The following PRDM16 variants were observed in gnomAD, a reference collection of about 807,000 sequenced individuals.
PRDM16 encodes PR/SET domain 16, also known as histone-lysine N-methyltransferase PRDM16.
In PRDM16, 23 loss-of-function variants were observed where a neutral mutation model predicts 110.6. The observed-to-expected ratio is 0.21, with a 90% CI of 0.15 to 0.29. PRDM16 has a LOEUF of 0.29. Ranked by LOEUF, PRDM16 falls within the 10% of genes least tolerant of loss-of-function variation. PRDM16 has a pLI of 1.00. For missense variants in PRDM16, 1,615 were observed against 1,794.3 expected (o/e 0.90, Z 1.81); for synonymous variants, 799 against 781.8 (o/e 1.02, Z -0.37).
rs1220138751 is a variant in PRDM16, at chr1:3,240,056, A to AGAGGAGAGGAGAGGAGAGGAGAGG, written c.388-4031_388-4030insGAGGAGAGGAGAGGAGAGGAGAGG. 1.7e-4 allele frequency among the ~76,000 whole-genome samples: 18 copies of AGAGGAGAGGAGAGGAGAGGAGAGG among 103,408 alleles called. 1 individual carries two copies. The highest frequency in any genetic ancestry group is 7.0e-4 in the African/African-American group (17 of 24,428). 67.8% of individuals were successfully genotyped at this position (103,408 alleles called of 152,430 possible). On this transcript the variant is annotated intron_variant, in intron 2 of 16. Coordinates refer to ENST00000270722, the MANE Select transcript of PRDM16 (RefSeq NM_022114.4). ...AGAGGAGAAGAGGAGAGGAGAGGAG[A>AGAGGAGAGGAGAGGAGAGGAGAGG]AGAGGAGAGGAGAGGAGAGGAGAGG...
intron 1 of PRDM16, among the ~76,000 whole-genome samples, chr1:3,070,854 C>A (rs928806052): frequency 1.3e-5 from 2 of 152,238 alleles, no homozygotes; most frequent in African/African-American, 4.8e-5. Context: ...ATCGGCCGTT[C>A]CCGGCCCCTG....
intron 3 of PRDM16, among the ~76,000 whole-genome samples, chr1:3,368,135 C>A (rs1193326803): frequency 2.0e-5 from 3 of 152,170 alleles, no homozygotes; most frequent in Non-Finnish European, 4.4e-5. Flanking sequence ...GTGAGGGCAA[C>A]CTACCGAAAT....
intron 1 of PRDM16, among the ~76,000 whole-genome samples, chr1:3,173,942 C>T (rs535598270): frequency 1.8e-4 from 27 of 152,304 alleles, no homozygotes; most frequent in South Asian, 6.2e-4. Context: ...TGTTCTCGGC[C>T]GGGCCCGTGC....
intron 4 of PRDM16, among the ~76,000 whole-genome samples, chr1:3,387,222 G>A (rs572994109): frequency 6.6e-6 from 1 of 152,132 alleles, no homozygotes; most frequent in African/African-American, 2.4e-5. Context: ...CCAAAGCTCC[G>A]TCCTAGAGTC....
chr1:3,238,788 C>T (rs1450640028), intron 2 of PRDM16, among the ~76,000 whole-genome samples: 2 of 152,216 alleles, frequency 1.3e-5, no homozygotes, highest in Admixed American at 6.5e-5. Flanking sequence ...CCTGCCGAGG[C>T]ATCCACCCGG....
chr1:3,088,448 ATTAT>A (rs1553122533), intron 1 of PRDM16, among the ~76,000 whole-genome samples: 30 of 146,106 alleles, frequency 2.1e-4, no homozygotes, highest in East Asian at 1.4e-3. Context: ...GGATTCTTTT[ATTAT>A]TTATTTATTT....
chr1:3,361,510 G>A (rs942969259), intron 3 of PRDM16, among the ~76,000 whole-genome samples: 1 of 152,248 alleles, frequency 6.6e-6, no homozygotes, highest in Admixed American at 6.5e-5. Context: ...TCTGTGGAAC[G>A]TGGCCCTGCT....
At chr1:3,075,696 C>T (rs1223313337) in intron 1 of PRDM16, among the ~76,000 whole-genome samples, 2 of 152,280 alleles carry the variant, frequency 1.3e-5, no homozygotes, top group South Asian at 2.1e-4. Context: ...CCGTCCCATG[C>T]GCGTTTTCCG....
At chr1:3,207,634 C>T (rs58429922) in intron 2 of PRDM16, 38,739 of 152,428 alleles carry the variant, frequency 0.25, 6,584 homozygotes, top group South Asian at 0.49. Context: ...ACGGTCCCTG[C>T]GTGCTGGGGA....
intron 3 of PRDM16, among the ~76,000 whole-genome samples, chr1:3,371,260 C>T (rs1453419510): frequency 1.3e-5 from 2 of 148,616 alleles, no homozygotes; most frequent in Admixed American, 1.3e-4. Context: ...CATCCATCCA[C>T]CATCCATTCA....
At chr1:3,269,348 CAGGAGGAG>C (rs1640374054) in intron 3 of PRDM16, among the ~76,000 whole-genome samples, 1 of 149,308 alleles carries the variant, frequency 6.7e-6, no homozygotes, top group African/African-American at 2.5e-5. Context: ...GGAGCACAGT[CAGGAGGAG>C]CAGTCAGGAG....
At chr1:3,137,404 C>T (rs61759160) in intron 1 of PRDM16, among the ~76,000 whole-genome samples, 4,418 of 152,292 alleles carry the variant, frequency 0.029, 83 homozygotes, top group Non-Finnish European at 0.046. Flanking sequence ...GAGAGAGAGG[C>T]TAGGGAGAGT....
At chr1:3,136,377 G>A (rs1362699567) in intron 1 of PRDM16, among the ~76,000 whole-genome samples, 1 of 152,202 alleles carries the variant, frequency 6.6e-6, no homozygotes, top group African/African-American at 2.4e-5. Context: ...GGCAGTGGAG[G>A]CCCAGAAAGA....
chr1:3,320,722 A>G (rs1282479326), intron 3 of PRDM16, among the ~76,000 whole-genome samples: 1 of 152,212 alleles, frequency 6.6e-6, no homozygotes, highest in African/African-American at 2.4e-5. Context: ...GATAAGGCCA[A>G]GTTCTTTGAT....
In PRDM16 at chr1:3,298,279, C is replaced by G. The variant is rs1641133032; in HGVS notation, c.438+54142C>G. ...GTTCGAGTCCTGCACCCCTCTCCTTCCCTGACCTACTCCCATGGTTCTGAG... is the reference window on the plus strand; with the variant it reads ...GTTCGAGTCCTGCACCCCTCTCCTTGCCTGACCTACTCCCATGGTTCTGAG... On this transcript the variant is annotated intron_variant, in intron 3 of 16. Coordinates refer to ENST00000270722, the MANE Select transcript of PRDM16 (RefSeq NM_022114.4). 2.6e-5 allele frequency among the ~76,000 whole-genome samples: 4 copies of G among 152,262 alleles called. No individual in the cohort carries two copies. In the South Asian group the frequency reaches 8.3e-4, roughly 32 times the overall value.
At chr1:3,159,408 G>C (rs1427024349) in intron 1 of PRDM16, among the ~76,000 whole-genome samples, 1 of 152,222 alleles carries the variant, frequency 6.6e-6, no homozygotes, top group Non-Finnish European at 1.5e-5. Context: ...TCCTCCCAAG[G>C]CCTCTCTCCT....
intron 4 of PRDM16, among the ~76,000 whole-genome samples, chr1:3,396,049 C>G (rs1208575484): frequency 6.6e-6 from 1 of 152,204 alleles, no homozygotes; most frequent in Admixed American, 6.5e-5. Flanking sequence ...CAGCTCATGG[C>G]CACTTTCAGA....
intron 9 of PRDM16, 71 bp downstream of exon 9, chr1:3,412,871 ATGG>A (rs1643717568): frequency 1.6e-6 from 2 of 1,252,302 alleles, no homozygotes; most frequent in Middle Eastern, 2.3e-4. Context: ...GGCTCAGTGC[ATGG>A]TGGTGTCTCT....
rs578043254 is a variant in PRDM16 at position 3,194,897 on chromosome 1, G to A, written c.387+8423G>A. On this transcript the variant is annotated intron_variant, in intron 2 of 16. Transcript: ENST00000270722. ...GGTTGAGTGGGCTCGGCCCCGGGACGTGGCCTGGCTCTGGGCACCTCTGCT... is the reference window on the plus strand; with the variant it reads ...GGTTGAGTGGGCTCGGCCCCGGGACATGGCCTGGCTCTGGGCACCTCTGCT... Among the ~76,000 whole-genome samples, 15 of 152,346 alleles carry A rather than the reference G, an allele frequency of 9.8e-5. 1 individual carries two copies. In the South Asian group the frequency reaches 1.7e-3, roughly 17 times the overall value.
Sources: allele counts gnomAD v4.1 joint callset (sites outside exome capture counted in the v4.1 genomes callset), GRCh38; gene constraint gnomAD v4.1.1; transcripts MANE v1.5; gene names NCBI Gene and HGNC (gene_info 2026-07-23, HGNC 2026-07-21).